The following XIAP variants were observed in gnomAD, a reference collection of about 807,000 sequenced individuals.
The protein encoded by XIAP is X-linked inhibitor of apoptosis, also known as E3 ubiquitin-protein ligase XIAP.
A neutral mutation model predicts 33.1 loss-of-function variants in XIAP; 3 were observed. The ratio of observed to expected loss-of-function variants is 0.09; its 90% CI spans 0.04 to 0.23. The LOEUF (loss-of-function observed/expected upper bound fraction) is 0.23. Ranked by LOEUF, XIAP falls within the 10% of genes least tolerant of loss-of-function variation. The probability of loss-of-function intolerance (pLI) is 1.00; values close to 1 mark genes in which losing one functional copy is unlikely to be tolerated. For synonymous variants in XIAP, 98 were observed against 121.3 expected (o/e 0.81, Z 1.26); for missense variants, 264 against 363.0 (o/e 0.73, Z 2.22).
chrX:123,888,500 T>C, intron 2 of XIAP, 119 bp from the exon 3 acceptor site: 1 of 618,841 alleles, frequency 1.6e-6, no homozygotes, highest in Non-Finnish European at 2.7e-6. Flanking sequence ...TTGAATGTCT[T>C]GTTTTAAGCT....
In XIAP at chrX:123,911,509, TA is replaced by T. The variant is rs1388191577; in HGVS notation, c.*4331del. On this transcript the variant is annotated 3_prime_UTR_variant, in exon 7 of 7. Coordinates refer to ENST00000371199, the MANE Select transcript of XIAP (RefSeq NM_001167.4). ...AAAAAAAGATATAAATCACAATAAA[TA>T]AATAGGTCAATACAAATGTTAGCCA... The T allele has an allele frequency of 3.2e-6, 1 of 309,692 alleles. No individual in the cohort carries two copies. Among genetic ancestry groups the T allele is most frequent in the African/African-American group, 2.8e-5 (1 of 35,459 alleles). The allele number at this position is 309,692 out of a possible 1,213,427, so 25.5% of individuals were successfully genotyped here.
chrX:123,889,997 ATTTTTTTTTTTTTTTTTT>A (rs771503633), intron 3 of XIAP, among the ~76,000 whole-genome samples: 36 of 33,070 alleles, frequency 1.1e-3, no homozygotes, highest in African/African-American at 3.1e-3. Context: ...AGTTGTTCAC[ATTTTTTTTTTTTTTTTTT>A]TTTTTTTTTT....
In XIAP at chrX:123,900,650, A is replaced by G. The variant is rs757641017; in HGVS notation, c.1257A>G (p.Lys419=). 1.2e-5 allele frequency: 15 copies of G among 1,209,803 alleles called. No homozygotes were observed. Among genetic ancestry groups the G allele is most frequent in the Non-Finnish European group, 1.7e-5 (15 of 895,282 alleles). Residue 419 remains lysine, a synonymous_variant, in exon 6 of 7, where the codon AAA becomes AAG. Transcript: ENST00000371199. ...TTGCAGATCTAGTGAATGCTCAGAA[A>G]GACAGTATGCAAGATGAGTCAAGTC... The part of the protein sequence containing the change: ...VLVADLVNAQ[K]DSMQDESSQT...
intron 1 of XIAP, among the ~76,000 whole-genome samples, chrX:123,866,568 ATATAG>A (rs1329094236): frequency 9.9e-6 from 1 of 100,506 alleles, no homozygotes; most frequent in Non-Finnish European, 2.0e-5. Flanking sequence ...GATATATATA[ATATAG>A]TATATAATAT....
intron 6 of XIAP, among the ~76,000 whole-genome samples, chrX:123,903,991 C>T (rs1196379455): frequency 9.0e-6 from 1 of 111,301 alleles, no homozygotes; most frequent in Non-Finnish European, 1.9e-5. Flanking sequence ...GTTCATTAAA[C>T]AACTCCCCAT....
Position 123,910,462 on chromosome X carries a change from A to G in XIAP, c.*3281A>G. The G allele has an allele frequency of 3.0e-6, 1 of 329,773 alleles. No individual in the cohort carries two copies. Among genetic ancestry groups the G allele is most frequent in the Non-Finnish European group, 5.9e-6 (1 of 170,014 alleles). 27.2% of individuals were successfully genotyped at this position (329,773 alleles called of 1,213,427 possible). On this transcript the variant is annotated 3_prime_UTR_variant, in exon 7 of 7. Coordinates refer to ENST00000371199, the MANE Select transcript of XIAP (RefSeq NM_001167.4). Reference sequence around the variant, plus strand: ...ATTAGTTTCACATGATATACCCTTTAAACCCGAATCATTGTTTTATTTCCT... The same window carrying G: ...ATTAGTTTCACATGATATACCCTTTGAACCCGAATCATTGTTTTATTTCCT...
At chrX:123,860,467 G>C (rs2053069134) in intron 1 of XIAP, 174 bp downstream of exon 1, 1 of 259,595 alleles carries the variant, frequency 3.9e-6, no homozygotes, top group Non-Finnish European at 7.3e-6. Flanking sequence ...CGGGTTCCTC[G>C]GACTGCCGAC....
intron 1 of XIAP, among the ~76,000 whole-genome samples, chrX:123,884,944 C>CAAAAAAAAA (rs5903649): frequency 5.4e-5 from 5 of 92,111 alleles, no homozygotes; most frequent in African/African-American, 2.0e-4. Context: ...ATGTCATGGG[C>CAAAAAAAAA]AAAAAAAAAA....
chrX:123,883,920 A>G (rs1028667056), intron 1 of XIAP, among the ~76,000 whole-genome samples: 5 of 112,013 alleles, frequency 4.5e-5, no homozygotes, highest in Admixed American at 2.9e-4. Context: ...TGATTCAACA[A>G]AGGGCCTTGA....
intron 1 of XIAP, among the ~76,000 whole-genome samples, chrX:123,877,320 G>A (rs2053255386): frequency 9.0e-6 from 1 of 111,614 alleles, no homozygotes. Context: ...GCCTGCCTCG[G>A]CCTCCCAAAG....
rs1167068368 is a variant in XIAP, at chrX:123,908,341, G to A, written c.*1160G>A. Reference sequence around the variant, plus strand: ...TTTTGTAAAATGAAATATAAAATATGTCTCAGATCTTCCAATTAATTAGTA... The same window carrying A: ...TTTTGTAAAATGAAATATAAAATATATCTCAGATCTTCCAATTAATTAGTA... On this transcript the variant is annotated 3_prime_UTR_variant, in exon 7 of 7. Transcript: ENST00000371199. 2.7e-6 allele frequency: 1 copy of A among 369,623 alleles called. No individual in the cohort carries two copies. The highest frequency in any genetic ancestry group is 2.5e-5 in the African/African-American group (1 of 39,554). 30.5% of individuals were successfully genotyped at this position (369,623 alleles called of 1,213,427 possible). A position where few individuals can be genotyped will look rare whatever the true frequency, so the allele number is the denominator to read the frequency against.
At chrX:123,900,055 A>G (rs2053502371) in intron 5 of XIAP, among the ~76,000 whole-genome samples, 1 of 111,890 alleles carries the variant, frequency 8.9e-6, no homozygotes, top group Non-Finnish European at 1.9e-5. Context: ...GAGCTAGGAA[A>G]TTGACACATT....
At chrX:123,861,939 T>G (rs1322973001) in intron 1 of XIAP, among the ~76,000 whole-genome samples, 3 of 111,972 alleles carry the variant, frequency 2.7e-5, no homozygotes, top group African/African-American at 9.7e-5. Flanking sequence ...GTCCTAAGCT[T>G]CTTGATTATC....
At chrX:123,864,964 G>A (rs768531605) in intron 1 of XIAP, among the ~76,000 whole-genome samples, 34 of 104,608 alleles carry the variant, frequency 3.3e-4, no homozygotes, top group African/African-American at 1.2e-3. Flanking sequence ...TTACAGGCGC[G>A]AGCCATCACA....
chrX:123,865,022 G>C lies in XIAP; in HGVS notation c.-33+4729G>C, dbSNP rs192351919. ...TTTTTTTTTTTGCTTTTTTATGTTC[G>C]TCTGTTTTTATTTTGCTTTTGTGTG... is the stretch of plus-strand genomic sequence containing the variant. On this transcript the variant is annotated intron_variant, in intron 1 of 6. Coordinates refer to ENST00000371199, the MANE Select transcript of XIAP (RefSeq NM_001167.4). Among the ~76,000 whole-genome samples, 733 of 101,776 alleles carry C rather than the reference G, an allele frequency of 7.2e-3. 7 individuals are homozygous for C. Among genetic ancestry groups the C allele is most frequent in the African/African-American group, 0.025 (695 of 27,964 alleles). The allele number at this position is 101,776 out of a possible 115,157, so 88.4% of individuals were successfully genotyped here. A position where few individuals can be genotyped will look rare whatever the true frequency, so the allele number is the denominator to read the frequency against.
In XIAP at chrX:123,912,066, T is replaced by TAA; in HGVS notation, c.*4885_*4886insAA. 3.0e-6 allele frequency: 1 copy of TAA among 329,111 alleles called. No homozygotes were observed. Among genetic ancestry groups the TAA allele is most frequent in the Non-Finnish European group, 5.9e-6 (1 of 169,982 alleles). The allele number at this position is 329,111 out of a possible 1,213,427, so 27.1% of individuals were successfully genotyped here. A position where few individuals can be genotyped will look rare whatever the true frequency, so the allele number is the denominator to read the frequency against. On this transcript the variant is annotated 3_prime_UTR_variant, in exon 7 of 7. Transcript: ENST00000371199. The stretch of plus-strand genomic sequence containing the variant: ...TCCAAATGTTTATGTTTTCAACTAC[T>TAA]CTTTCCACTGTACCATAACTTTCAC...
chrX:123,875,024 ATTT>A (rs369707216), intron 1 of XIAP, among the ~76,000 whole-genome samples: 17 of 83,478 alleles, frequency 2.0e-4, no homozygotes, highest in Admixed American at 5.5e-4. Context: ...TCAGGGATTT[ATTT>A]TTTTTTTTTT....
intron 1 of XIAP, chrX:123,873,885 A>C (rs1186925078): frequency 9.3e-6 from 1 of 107,320 alleles, no homozygotes; most frequent in Non-Finnish European, 1.9e-5. Context: ...AGTGAGCCCA[A>C]ATTGCGCCAC....
intron 1 of XIAP, among the ~76,000 whole-genome samples, chrX:123,880,375 C>T (rs2053288480): frequency 9.6e-6 from 1 of 104,708 alleles, no homozygotes; most frequent in South Asian, 4.3e-4. Flanking sequence ...CGTGCCATTG[C>T]ACTCCAGCCT....
Sources: gnomAD v4.1 joint callset for allele counts (sites outside exome capture counted in the v4.1 genomes callset) on GRCh38, gnomAD v4.1.1 for gene constraint, MANE v1.5 for transcripts, NCBI Gene and HGNC (gene_info 2026-07-23, HGNC 2026-07-21) for gene names.